NPHP3: variants seen among roughly 807,000 people sequenced by gnomAD.
NPHP3 encodes nephrocystin-3.
NPHP3 carries 123 observed loss-of-function variants against 171.9 expected under a neutral mutation model. The ratio of observed to expected loss-of-function variants is 0.72; its 90% CI spans 0.62 to 0.83. The LOEUF (loss-of-function observed/expected upper bound fraction) is 0.83, where lower values mean the gene tolerates loss of function less well. Ranked by LOEUF, NPHP3 falls within the 40% of genes least tolerant of loss-of-function variation. NPHP3 has a pLI of 0.00. For synonymous variants in NPHP3, 558 were observed against 579.2 expected (o/e 0.96, Z 0.52); for missense variants, 1,506 against 1,591.9 (o/e 0.95, Z 0.92).
intron 24 of NPHP3, among the ~76,000 whole-genome samples, chr3:132,684,122 A>G (rs1939098830): frequency 6.6e-6 from 1 of 152,244 alleles, no homozygotes; most frequent in African/African-American, 2.4e-5. Context: ...ATTTAATTAC[A>G]GGCAAAGCCA....
At chr3:132,711,006 G>A (rs1409723272) in intron 6 of NPHP3, among the ~76,000 whole-genome samples, 2 of 152,218 alleles carry the variant, frequency 1.3e-5, no homozygotes, top group African/African-American at 4.8e-5. Context: ...CCTGAATAGT[G>A]TGAGAAGCCA....
chr3:132,693,079 A>G, intron 16 of NPHP3: 1 of 421,750 alleles, frequency 2.4e-6, no homozygotes, highest in Non-Finnish European at 4.2e-6. Context: ...TTAAAACTGC[A>G]TAAAATGTAT....
chr3:132,697,552 G>A (rs1326794108), intron 13 of NPHP3, among the ~76,000 whole-genome samples, 190 bp from the exon 14 acceptor site: 1 of 151,938 alleles, frequency 6.6e-6, no homozygotes, highest in Non-Finnish European at 1.5e-5. Context: ...TCATTACTTT[G>A]AGCAATGAAT....
At chr3:132,708,055 T>C in intron 7 of NPHP3, 46 bp downstream of exon 7, 1 of 1,597,262 alleles carries the variant, frequency 6.3e-7, no homozygotes, top group South Asian at 1.1e-5. Context: ...TGCTCCAGTT[T>C]TTCCCTCAGC....
intron 8 of NPHP3, 51 bp downstream of exon 8, chr3:132,705,689 A>T: frequency 1.0e-6 from 1 of 985,814 alleles, no homozygotes; most frequent in Non-Finnish European, 1.6e-6. Flanking sequence ...ATTTCATAGA[A>T]AGTGATCTTA....
chr3:132,682,192 C>A (rs1939048615), intron 26 of NPHP3, 102 bp from the exon 27 acceptor site: 2 of 1,057,674 alleles, frequency 1.9e-6, no homozygotes, highest in Non-Finnish European at 2.9e-6. Flanking sequence ...AATATTTGCC[C>A]ATTTCCCCTC....
intron 4 of NPHP3, among the ~76,000 whole-genome samples, chr3:132,715,813 G>A (rs1940035646): frequency 1.3e-5 from 2 of 152,152 alleles, no homozygotes; most frequent in African/African-American, 4.8e-5. Context: ...AGCTATTCTG[G>A]ACACTATGTT....
At chr3:132,698,404 A>T (rs575694156) in intron 13 of NPHP3, among the ~76,000 whole-genome samples, 132 of 151,976 alleles carry the variant, frequency 8.7e-4, no homozygotes, top group Middle Eastern at 6.8e-3. Flanking sequence ...TAGCCTCCCG[A>T]GTAGATGGGA....
chr3:132,700,260 G>C, intron 11 of NPHP3, 74 bp downstream of exon 11: 1 of 1,241,650 alleles, frequency 8.1e-7, no homozygotes, highest in Non-Finnish European at 1.2e-6. Flanking sequence ...TGGTTTACCA[G>C]TAGGTACTTA....
At chr3:132,714,088 G>C (rs1939983769) in intron 5 of NPHP3, among the ~76,000 whole-genome samples, 1 of 152,276 alleles carries the variant, frequency 6.6e-6, no homozygotes, top group South Asian at 2.1e-4. Flanking sequence ...GGCTTATTTG[G>C]TTTCTATCAC....
intron 1 of NPHP3, chr3:132,721,688 G>C: frequency 1.6e-6 from 1 of 640,956 alleles, no homozygotes; most frequent in Non-Finnish European, 2.9e-6. Flanking sequence ...TGTAATCCCA[G>C]AACTTTAGGA....
intron 13 of NPHP3, among the ~76,000 whole-genome samples, chr3:132,698,132 C>A (rs184752190): frequency 6.6e-6 from 1 of 152,150 alleles, no homozygotes; most frequent in South Asian, 2.1e-4. Context: ...CAGGCGCCCA[C>A]CACCACGCCT....
intron 23 of NPHP3, 68 bp from the exon 24 acceptor site, chr3:132,684,862 T>C: frequency 6.4e-7 from 1 of 1,558,262 alleles, no homozygotes; most frequent in South Asian, 1.1e-5. Context: ...GACCCCTAAA[T>C]TAAGTGGAGA....
At chr3:132,718,957 G>T in intron 3 of NPHP3, 37 bp downstream of exon 3, 1 of 1,610,918 alleles carries the variant, frequency 6.2e-7, no homozygotes, top group Non-Finnish European at 8.5e-7. Flanking sequence ...TTACAGCCAT[G>T]TTGAAAGCTC....
chr3:132,719,003 C>G lies in NPHP3; in HGVS notation c.661G>C (p.Asp221His). 6.2e-7 allele frequency: 1 copy of G among 1,614,140 alleles called. No homozygotes were observed. ...GESDSDDNCT[D>H]VTAAGTQCEY... ...TAGGATATACACTTACCAGTGACATCTGTACAGTTGTCATCTGAATCAGAC... is the reference window on the plus strand; with the variant it reads ...TAGGATATACACTTACCAGTGACATGTGTACAGTTGTCATCTGAATCAGAC... Residue 221 changes from aspartate to histidine, a missense_variant, in exon 3 of 27, where the codon GAT becomes CAT. Coordinates refer to ENST00000337331, the MANE Select transcript of NPHP3 (RefSeq NM_153240.5).
At chr3:132,703,752 G>T (rs1939677502) in intron 9 of NPHP3, among the ~76,000 whole-genome samples, 1 of 151,730 alleles carries the variant, frequency 6.6e-6, no homozygotes, top group African/African-American at 2.4e-5. Flanking sequence ...GTAAACTTTT[G>T]TATTTTTTGT....
chr3:132,689,267 T>C lies in NPHP3; in HGVS notation c.2694-4A>G. 6.2e-7 allele frequency: 1 copy of C among 1,613,998 alleles called. No homozygotes were observed. Reference sequence around the variant, plus strand: ...CAGCAACTCAGCAAAGTGTCCCCTGTTTCAACAAATAACAGTACTTTAATG... The same window carrying C: ...CAGCAACTCAGCAAAGTGTCCCCTGCTTCAACAAATAACAGTACTTTAATG... On this transcript the variant is annotated splice_region_variant and splice_polypyrimidine_tract_variant and intron_variant, in intron 19 of 26. Coordinates refer to ENST00000337331, the MANE Select transcript of NPHP3 (RefSeq NM_153240.5).
At chr3:132,683,666 ATTAAGT>A (rs1434985291) in intron 24 of NPHP3, 142 bp from the exon 25 acceptor site, 6 of 641,066 alleles carry the variant, frequency 9.4e-6, no homozygotes, top group East Asian at 2.9e-5. Flanking sequence ...CAGCTTAATG[ATTAAGT>A]TTATAGATAA....
chr3:132,686,174 G>T, intron 23 of NPHP3, 86 bp downstream of exon 23: 1 of 1,436,826 alleles, frequency 7.0e-7, no homozygotes, highest in Non-Finnish European at 9.8e-7. Flanking sequence ...TTTTTTTCTA[G>T]CTTTAGACTT....
Sources: allele counts gnomAD v4.1 joint callset (sites outside exome capture counted in the v4.1 genomes callset), GRCh38; gene constraint gnomAD v4.1.1; transcripts MANE v1.5; gene names NCBI Gene and HGNC (gene_info 2026-07-23, HGNC 2026-07-21).